CACNB3: variants seen among roughly 807,000 people sequenced by gnomAD.
The protein encoded by CACNB3 is calcium voltage-gated channel auxiliary subunit beta 3, also known as voltage-dependent L-type calcium channel subunit beta-3.
CACNB3 carries 36 observed loss-of-function variants against 63.7 expected under a neutral mutation model. The observed-to-expected ratio is 0.57, with a 90% CI of 0.43 to 0.75. CACNB3 has a LOEUF of 0.75. CACNB3 is among the 30% of genes least tolerant of loss of function. CACNB3 has a pLI of 0.00. For missense variants in CACNB3, 493 were observed against 648.6 expected (o/e 0.76, Z 2.61); for synonymous variants, 241 against 250.6 (o/e 0.96, Z 0.36).
chr12:48,819,589 C>A, intron 1 of CACNB3: 1 of 408,844 alleles, frequency 2.4e-6, no homozygotes, highest in Non-Finnish European at 4.9e-6. Flanking sequence ...AACCTGGGCG[C>A]CCAGCACATG....
In CACNB3 at chr12:48,828,927, A is replaced by ACAT. The variant is rs1179659158; in HGVS notation, c.*1032_*1034dup. ...CTCACCTCACTGTCATCACTAATAA[A>ACAT]CATCATGCACAGTCCCTCCGGCTTC... On this transcript the variant is annotated 3_prime_UTR_variant, in exon 13 of 13. Coordinates refer to ENST00000301050, the MANE Select transcript of CACNB3 (RefSeq NM_000725.4). 2.8e-6 allele frequency: 1 copy of ACAT among 356,632 alleles called. No individual in the cohort carries two copies. The highest frequency in any genetic ancestry group is 2.1e-5 in the African/African-American group (1 of 46,842). The allele number at this position is 356,632 out of a possible 1,614,324, so 22.1% of individuals were successfully genotyped here.
At chr12:48,816,677 A>G (rs1382727952), upstream of CACNB3, among the ~76,000 whole-genome samples, 1 of 152,252 alleles carries the variant, frequency 6.6e-6, no homozygotes, top group Non-Finnish European at 1.5e-5. Flanking sequence ...CACATGCCTC[A>G]GGAGCAGACT....
At chr12:48,819,526 G>A (rs972742617) in intron 1 of CACNB3, 38 of 339,122 alleles carry the variant, frequency 1.1e-4, no homozygotes, top group African/African-American at 5.2e-4. Context: ...CCATCTCTGC[G>A]CATTGCCTCA....
chr12:48,818,875 C>T lies in CACNB3; in HGVS notation c.-55C>T, dbSNP rs1164595365. On this transcript the variant is annotated 5_prime_UTR_variant, in exon 1 of 13. Coordinates refer to ENST00000301050, the MANE Select transcript of CACNB3 (RefSeq NM_000725.4). The surrounding 1 kb of genome is among the most constrained non-coding windows in gnomAD (Gnocchi z 4.3). ...GCGCGGCCCGCAGTCCTTGCCCCTG[C>T]CTCCGGGCCGCTCCCGCCCCCGGCG... is the stretch of plus-strand genomic sequence containing the variant. 23 of 1,535,850 alleles carry T rather than the reference C, an allele frequency of 1.5e-5. No individual in the cohort carries two copies. Among genetic ancestry groups the T allele is most frequent in the Non-Finnish European group, 2.0e-5 (23 of 1,140,242 alleles).
At chr12:48,817,191 G>C (rs1942306366), upstream of CACNB3, 1 of 156,004 alleles carries the variant, frequency 6.4e-6, no homozygotes, top group Non-Finnish European at 1.4e-5. Context: ...ACAGTAGACA[G>C]ACTAAAGATG....
At position 48,825,175 on chromosome 12, in the gene CACNB3, C is replaced by A; in HGVS notation, c.505C>A (p.Pro169Thr). The A allele has an allele frequency of 6.2e-7, 1 of 1,613,992 alleles. No individual in the cohort carries two copies. Among genetic ancestry groups the A allele is most frequent in the Non-Finnish European group, 8.5e-7 (1 of 1,179,954 alleles). ...GTCCATTCTGCAGGCGGAACATGTTCCCCCATATGACGTGGTGCCCTCCAT... is the reference window on the plus strand; with the variant it reads ...GTCCATTCTGCAGGCGGAACATGTTACCCCATATGACGTGGTGCCCTCCAT... Reference protein sequence around the residue: ...KQKQKQAEHVPPYDVVPSMRP... With the variant: ...KQKQKQAEHVTPYDVVPSMRP... Residue 169 changes from proline to threonine, a missense_variant, in exon 7 of 13, where the codon CCC becomes ACC. By Grantham distance (38) the Pro-to-Thr change is conservative. Coordinates refer to ENST00000301050, the MANE Select transcript of CACNB3 (RefSeq NM_000725.4). This position sits in a 1 kb window ranked among gnomAD's most constrained non-coding sequence, Gnocchi z 4.5.
chr12:48,818,501 T>C lies in CACNB3; in HGVS notation c.-429T>C. 1 of 1,000,950 alleles carries C rather than the reference T, an allele frequency of 1.0e-6. No individual in the cohort carries two copies. The highest frequency in any genetic ancestry group is 1.2e-6 in the Non-Finnish European group (1 of 840,968). 62.0% of individuals were successfully genotyped at this position (1,000,950 alleles called of 1,614,324 possible). ...CCCTGCCCGCAGCCTCTCCTCCCCTTCCTCCCCGCCGCCACGGCCCCGTAG... is the reference window on the plus strand; with the variant it reads ...CCCTGCCCGCAGCCTCTCCTCCCCTCCCTCCCCGCCGCCACGGCCCCGTAG... On this transcript the variant is annotated 5_prime_UTR_variant, in exon 1 of 13. Transcript: ENST00000301050. The surrounding 1 kb of genome is among the most constrained non-coding windows in gnomAD (Gnocchi z 4.3).
rs991498002 is a variant in CACNB3, at chr12:48,825,072, GC to G, written c.493-88del. ...GAGGGCAGAACAGAGAGGGGAGGGA[GC>G]CCAGAACCTCTGGATCTGCCCTGAC... On this transcript the variant is annotated intron_variant, in intron 6 of 12. Coordinates refer to ENST00000301050, the MANE Select transcript of CACNB3 (RefSeq NM_000725.4). This position sits in a 1 kb window ranked among gnomAD's most constrained non-coding sequence, Gnocchi z 4.5. 4.4e-6 allele frequency: 7 copies of G among 1,575,182 alleles called. No individual in the cohort carries two copies. In the African/African-American group the frequency reaches 8.1e-5, roughly 18 times the overall value.
At position 48,818,855 on chromosome 12, in the gene CACNB3, G is replaced by A; in HGVS notation, c.-75G>A. On this transcript the variant is annotated 5_prime_UTR_variant, in exon 1 of 13. Coordinates refer to ENST00000301050, the MANE Select transcript of CACNB3 (RefSeq NM_000725.4). The surrounding 1 kb of genome is among the most constrained non-coding windows in gnomAD (Gnocchi z 4.3). ...GGCTCGGTGGCATCTCCCGGGCGCGGCCCGCAGTCCTTGCCCCTGCCTCCG... is the reference window on the plus strand; with the variant it reads ...GGCTCGGTGGCATCTCCCGGGCGCGACCCGCAGTCCTTGCCCCTGCCTCCG... 1 of 1,465,742 alleles carries A rather than the reference G, an allele frequency of 6.8e-7. No individual in the cohort carries two copies. The highest frequency in any genetic ancestry group is 1.4e-5 in the South Asian group (1 of 73,926). 90.8% of individuals were successfully genotyped at this position (1,465,742 alleles called of 1,614,324 possible). A position where few individuals can be genotyped will look rare whatever the true frequency, so the allele number is the denominator to read the frequency against.
intron 1 of CACNB3, among the ~76,000 whole-genome samples, chr12:48,822,089 C>T (rs1003919812): frequency 6.6e-6 from 1 of 152,154 alleles, no homozygotes; most frequent in Admixed American, 6.5e-5. Flanking sequence ...GAATGTTCCT[C>T]TACCTGAGGA....
chr12:48,815,404 C>T (rs1942260306), upstream of CACNB3: 4 of 588,444 alleles, frequency 6.8e-6, no homozygotes, highest in Non-Finnish European at 1.1e-5. Flanking sequence ...AGAACGAGGA[C>T]CTTAGACAGG....
Position 48,828,722 on chromosome 12 carries a change from C to A in CACNB3, c.*823C>A, listed in dbSNP as rs1219018888. 2.2e-6 allele frequency: 1 copy of A among 456,522 alleles called. No homozygotes were observed. Among genetic ancestry groups the A allele is most frequent in the Non-Finnish European group, 4.4e-6 (1 of 226,794 alleles). The allele number at this position is 456,522 out of a possible 1,614,324, so 28.3% of individuals were successfully genotyped here. A position where few individuals can be genotyped will look rare whatever the true frequency, so the allele number is the denominator to read the frequency against. ...TGCCCTGCATCCTGTCATTTCTGTT[C>A]TTGTCCCTCATACATCTTTGGAGAA... On this transcript the variant is annotated 3_prime_UTR_variant, in exon 13 of 13. Transcript: ENST00000301050.
rs1288386790 is a variant in CACNB3 at position 48,828,495 on chromosome 12, CAG to C, written c.*603_*604del. On this transcript the variant is annotated 3_prime_UTR_variant, in exon 13 of 13. Transcript: ENST00000301050. ...AGCAGCAGGCTGGCCACGCTCGGGCCAGAGAGAGCTCACAGCTGAAGCTCTTG... is the reference window on the plus strand; with the variant it reads ...AGCAGCAGGCTGGCCACGCTCGGGCCAGAGAGCTCACAGCTGAAGCTCTTG... 6 of 360,174 alleles carry C rather than the reference CAG, an allele frequency of 1.7e-5. No homozygotes were observed. Among genetic ancestry groups the C allele is most frequent in the Non-Finnish European group, 2.2e-5 (4 of 181,940 alleles). 22.3% of individuals were successfully genotyped at this position (360,174 alleles called of 1,614,324 possible). A position where few individuals can be genotyped will look rare whatever the true frequency, so the allele number is the denominator to read the frequency against.
At chr12:48,814,612 G>A, upstream of CACNB3, 2 of 1,468,808 alleles carry the variant, frequency 1.4e-6, no homozygotes, top group Non-Finnish European at 1.8e-6. This position sits in a 1 kb window ranked among gnomAD's most constrained non-coding sequence, Gnocchi z 6.9. Context: ...CCCACGGGGT[G>A]GGAATAAGTA....
At position 48,825,381 on chromosome 12, in the gene CACNB3, G is replaced by C. The variant is rs1938073647; in HGVS notation, c.574-53G>C. On this transcript the variant is annotated intron_variant, in intron 7 of 12. Transcript: ENST00000301050. The surrounding 1 kb of genome is among the most constrained non-coding windows in gnomAD (Gnocchi z 4.5). ...GCATTGACTCTGGGGCCATGCATGG[G>C]GAGGCTGCTTCTCTCCAAAGGGGCC... 17 of 1,602,220 alleles carry C rather than the reference G, an allele frequency of 1.1e-5. No homozygotes were observed. Among genetic ancestry groups the C allele is most frequent in the Non-Finnish European group, 1.5e-5 (17 of 1,169,308 alleles).
In CACNB3 at chr12:48,823,245, A is replaced by C; in HGVS notation, c.46-99A>C. The stretch of plus-strand genomic sequence containing the variant: ...CCAGCTATCCCCTTGGAGATGGAGA[A>C]ACTGGGGGCAATAGAGGCAACACTG... On this transcript the variant is annotated intron_variant, in intron 1 of 12. Transcript: ENST00000301050. This position sits in a 1 kb window ranked among gnomAD's most constrained non-coding sequence, Gnocchi z 4.2. 1 of 1,460,370 alleles carries C rather than the reference A, an allele frequency of 6.8e-7. No individual in the cohort carries two copies. 90.5% of individuals were successfully genotyped at this position (1,460,370 alleles called of 1,614,324 possible). A position where few individuals can be genotyped will look rare whatever the true frequency, so the allele number is the denominator to read the frequency against.
intron 4 of CACNB3, 69 bp from the exon 5 acceptor site, chr12:48,824,600 A>G: frequency 7.2e-7 from 1 of 1,386,522 alleles, no homozygotes; most frequent in Non-Finnish European, 1.0e-6. Context: ...ATTATTAAAT[A>G]ATGCATAGAA....
Position 48,818,652 on chromosome 12 carries a change from G to A in CACNB3, c.-278G>A. The A allele has an allele frequency of 8.6e-7, 1 of 1,168,180 alleles. No individual in the cohort carries two copies. The allele number at this position is 1,168,180 out of a possible 1,614,324, so 72.4% of individuals were successfully genotyped here. A position where few individuals can be genotyped will look rare whatever the true frequency, so the allele number is the denominator to read the frequency against. On this transcript the variant is annotated 5_prime_UTR_variant, in exon 1 of 13. Coordinates refer to ENST00000301050, the MANE Select transcript of CACNB3 (RefSeq NM_000725.4). The surrounding 1 kb of genome is among the most constrained non-coding windows in gnomAD (Gnocchi z 4.3). Reference sequence around the variant, plus strand: ...CTCCCGGGGAGGGGGTCAGGTGGGCGGGCACTATTGTTGTAGGAGCCGGCG... The same window carrying A: ...CTCCCGGGGAGGGGGTCAGGTGGGCAGGCACTATTGTTGTAGGAGCCGGCG...
At chr12:48,820,151 G>T (rs1026084204) in intron 1 of CACNB3, 1 of 155,566 alleles carries the variant, frequency 6.4e-6, no homozygotes, top group Non-Finnish European at 1.4e-5. Flanking sequence ...TCTCCATGGG[G>T]CCTCTGGGGC....
Sources: allele counts gnomAD v4.1 joint callset (sites outside exome capture counted in the v4.1 genomes callset), GRCh38; gene constraint gnomAD v4.1.1; non-coding constraint Gnocchi (gnomAD v3.1); transcripts MANE v1.5; gene names NCBI Gene and HGNC (gene_info 2026-07-23, HGNC 2026-07-21).